Variants in PSMD1 observed in about 807,000 individuals in gnomAD.
PSMD1 encodes the protein 26S proteasome non-ATPase regulatory subunit 1.
Under a neutral mutation model 119.0 loss-of-function variants are expected in PSMD1, and 18 were observed. The ratio of observed to expected loss-of-function variants is 0.15; its 90% CI spans 0.10 to 0.22. PSMD1 has a LOEUF of 0.22. PSMD1 is among the 10% of genes least tolerant of loss of function. The pLI, the probability that PSMD1 is intolerant of heterozygous loss-of-function variation, is 1.00. For synonymous variants in PSMD1, 374 were observed against 396.6 expected (o/e 0.94, Z 0.68); for missense variants, 702 against 1,158.5 (o/e 0.61, Z 5.72).
intron 16 of PSMD1, among the ~76,000 whole-genome samples, chr2:231,091,026 G>A (rs190680647): frequency 7.2e-5 from 11 of 152,288 alleles, no homozygotes; most frequent in Admixed American, 2.6e-4. Context: ...GACCCTGGCC[G>A]AGTGATAGAT....
intron 23 of PSMD1, among the ~76,000 whole-genome samples, chr2:231,169,316 T>C (rs746439963): frequency 6.6e-6 from 1 of 152,224 alleles, no homozygotes; most frequent in African/African-American, 2.4e-5. Flanking sequence ...TTCTGTTTGG[T>C]AGGAGATTCA....
chr2:231,072,611 CT>C (rs1250696488), intron 7 of PSMD1, among the ~76,000 whole-genome samples, 196 bp downstream of exon 7: 1 of 151,760 alleles, frequency 6.6e-6, no homozygotes, highest in African/African-American at 2.4e-5. Flanking sequence ...GAAATTGACC[CT>C]TCTGGAAAGA....
chr2:231,158,423 C>T (rs766465668), intron 19 of PSMD1, among the ~76,000 whole-genome samples: 3 of 152,022 alleles, frequency 2.0e-5, no homozygotes, highest in Admixed American at 6.5e-5. Context: ...CAGTCTCTTC[C>T]GGGAGAAAAG....
intron 16 of PSMD1, among the ~76,000 whole-genome samples, chr2:231,110,679 A>ATC (rs1695128159): frequency 6.6e-6 from 1 of 152,202 alleles, no homozygotes; most frequent in African/African-American, 2.4e-5. Context: ...GTACACCACC[A>ATC]GAAAGAGGAT....
chr2:231,080,353 A>G (rs965689644), intron 12 of PSMD1, 39 bp downstream of exon 12: 5 of 1,465,032 alleles, frequency 3.4e-6, no homozygotes, highest in East Asian at 2.4e-5. Flanking sequence ...CCAAAACTCA[A>G]GAATCCAGGA....
At chr2:231,134,412 C>A (rs982475686) in intron 16 of PSMD1, among the ~76,000 whole-genome samples, 10 of 152,136 alleles carry the variant, frequency 6.6e-5, no homozygotes, top group East Asian at 3.8e-4. Context: ...GAGCCTAAAC[C>A]AAGACCCAGT....
At chr2:231,061,475 G>C (rs1693757145) in intron 2 of PSMD1, among the ~76,000 whole-genome samples, 165 bp downstream of exon 2, 1 of 152,168 alleles carries the variant, frequency 6.6e-6, no homozygotes, top group Non-Finnish European at 1.5e-5. Flanking sequence ...CACAGCAGTT[G>C]GTTTCCCTTG....
At chr2:231,147,269 G>T (rs1018421040) in intron 18 of PSMD1, among the ~76,000 whole-genome samples, 1 of 152,088 alleles carries the variant, frequency 6.6e-6, no homozygotes, top group Admixed American at 6.6e-5. Flanking sequence ...GAGGTGGGAG[G>T]ATCACTTGAG....
intron 16 of PSMD1, among the ~76,000 whole-genome samples, chr2:231,092,832 G>A (rs1055187720): frequency 8.5e-5 from 13 of 152,276 alleles, no homozygotes; most frequent in East Asian, 7.7e-4. Flanking sequence ...TGCATTGCCC[G>A]GTTTGAGGCT....
intron 21 of PSMD1, 82 bp from the exon 22 acceptor site, chr2:231,165,118 G>C: frequency 1.4e-6 from 1 of 723,892 alleles, no homozygotes; most frequent in Non-Finnish European, 1.9e-6. Flanking sequence ...ATAGAATAGT[G>C]TTGTAGGACT....
At chr2:231,119,327 T>G (rs185983737) in intron 16 of PSMD1, among the ~76,000 whole-genome samples, 1 of 152,346 alleles carries the variant, frequency 6.6e-6, no homozygotes, top group East Asian at 1.9e-4. Context: ...TTAATTTGCA[T>G]GCAGTACTCT....
intron 16 of PSMD1, among the ~76,000 whole-genome samples, chr2:231,095,087 CT>C (rs754386001): frequency 6.6e-6 from 1 of 152,192 alleles, no homozygotes; most frequent in Non-Finnish European, 1.5e-5. Context: ...AACAATTGAA[CT>C]GAATAATTTG....
At chr2:231,169,740 T>C (rs1696870527) in intron 23 of PSMD1, among the ~76,000 whole-genome samples, 1 of 152,208 alleles carries the variant, frequency 6.6e-6, no homozygotes, top group Non-Finnish European at 1.5e-5. Flanking sequence ...TTTAATTACA[T>C]AGAGCAGCTT....
At chr2:231,074,626 TA>T (rs1419212688) in intron 7 of PSMD1, among the ~76,000 whole-genome samples, 1 of 152,202 alleles carries the variant, frequency 6.6e-6, no homozygotes, top group Admixed American at 6.5e-5. Context: ...GTAATTTTCC[TA>T]ATTTCTCTTG....
At chr2:231,084,947 C>A in intron 14 of PSMD1, 72 bp from the exon 15 acceptor site, 2 of 1,217,424 alleles carry the variant, frequency 1.6e-6, no homozygotes, top group Non-Finnish European at 2.4e-6. Context: ...GTGGATGCCA[C>A]TATGCCTATT....
At chr2:231,106,021 T>G (rs1261420135) in intron 16 of PSMD1, among the ~76,000 whole-genome samples, 2 of 149,608 alleles carry the variant, frequency 1.3e-5, no homozygotes, top group Non-Finnish European at 3.0e-5. Flanking sequence ...TAAAAAGGTT[T>G]TTTTTTTTTT....
intron 20 of PSMD1, chr2:231,163,056 G>T (rs111226114): frequency 6.8e-6 from 1 of 147,966 alleles, no homozygotes; most frequent in African/African-American, 2.5e-5. Context: ...CTGAGTTTGC[G>T]CCACTGCACT....
chr2:231,148,636 A>G lies in PSMD1; in HGVS notation c.2115+2280A>G, dbSNP rs78375675. Among the ~76,000 whole-genome samples, 146 of 152,336 alleles carry G rather than the reference A, an allele frequency of 9.6e-4. 1 individual carries two copies. In the East Asian group the frequency reaches 0.016, roughly 16 times the overall value. Reference sequence around the variant, plus strand: ...AATGTAAGTGTATATACCACTGACTAAAAAAGCAAAATTGACATGTGAAAC... The same window carrying G: ...AATGTAAGTGTATATACCACTGACTGAAAAAGCAAAATTGACATGTGAAAC... On this transcript the variant is annotated intron_variant, in intron 18 of 24. Transcript: ENST00000308696.
At chr2:231,063,064 G>A (rs896246179) in intron 4 of PSMD1, among the ~76,000 whole-genome samples, 3 of 152,152 alleles carry the variant, frequency 2.0e-5, no homozygotes, top group African/African-American at 7.2e-5. Context: ...TGAGGAAGGA[G>A]CTAGCCGTTT....
Sources: gnomAD v4.1 joint callset for allele counts (sites outside exome capture counted in the v4.1 genomes callset) on GRCh38, gnomAD v4.1.1 for gene constraint, MANE v1.5 for transcripts, NCBI Gene and HGNC (gene_info 2026-07-23, HGNC 2026-07-21) for gene names.